The following COL6A3 variants were observed in gnomAD, a reference collection of about 807,000 sequenced individuals.
The protein encoded by COL6A3 is collagen alpha-3(VI) chain.
COL6A3 carries 137 observed loss-of-function variants against 274.1 expected under a neutral mutation model. The ratio of observed to expected loss-of-function variants is 0.50; its 90% confidence interval spans 0.44 to 0.58. COL6A3 has a LOEUF of 0.58. Ranked by LOEUF, COL6A3 falls within the 20% of genes least tolerant of loss-of-function variation. COL6A3 has a pLI of 0.00. For missense variants in COL6A3, 3,950 were observed against 4,124.9 expected, an observed-to-expected ratio of 0.96 and a Z score of 1.16; for synonymous variants, 1,650 against 1,650.6, an observed-to-expected ratio of 1.00 and a Z score of 0.01.
Position 237,381,246 on chromosome 2 carries a change from G to C in COL6A3, c.1566C>G (p.Ala522=). Residue 522 remains alanine (A), a synonymous_variant, in exon 5 of 44, where the codon GCC becomes GCG. Transcript: ENST00000295550. The stretch of plus-strand genomic sequence containing the variant: ...AGTCTAGAGCAGAGCCCGTGTACAG[G>C]GCCGAGCCGTCCAGGGGCTTCATTT... The part of the protein sequence containing the change: ...VRKMKPLDGS[A]LYTGSALDFV... 1 of 1,614,240 alleles carries C rather than the reference G, an allele frequency of 6.2e-7. No individual in the cohort carries two copies.
chr2:237,352,515 G>C lies in COL6A3; in HGVS notation c.6753+7C>G. On this transcript the variant is annotated splice_region_variant and intron_variant, in intron 26 of 43. Coordinates refer to ENST00000295550, the MANE Select transcript of COL6A3 (RefSeq NM_004369.4). Reference sequence around the variant, plus strand: ...TAGAGAGGGGGCTGGTATTAGGACAGGCTTACCCGAGGTCCAGAAATGCCT... The same window carrying C: ...TAGAGAGGGGGCTGGTATTAGGACACGCTTACCCGAGGTCCAGAAATGCCT... 6.2e-7 allele frequency: 1 copy of C among 1,610,522 alleles called. No homozygotes were observed. The highest frequency in any genetic ancestry group is 1.1e-5 in the South Asian group (1 of 89,860).
At chr2:237,362,390 C>A (rs1307692628) in intron 14 of COL6A3, among the ~76,000 whole-genome samples, 1 of 152,198 alleles carries the variant, frequency 6.6e-6, no homozygotes, top group Non-Finnish European at 1.5e-5. Context: ...ACACAGACAC[C>A]CTCTACATTC....
chr2:237,382,307 T>C (rs2078027015), intron 4 of COL6A3, among the ~76,000 whole-genome samples: 1 of 151,792 alleles, frequency 6.6e-6, no homozygotes, highest in African/African-American at 2.4e-5. Flanking sequence ...CACTTGAACC[T>C]GGAAGGAGGA....
At chr2:237,403,471 A>C (rs2078643776) in intron 1 of COL6A3, among the ~76,000 whole-genome samples, 1 of 152,178 alleles carries the variant, frequency 6.6e-6, no homozygotes, top group Non-Finnish European at 1.5e-5. Flanking sequence ...ACCTGTCAAT[A>C]CAGCAGTCTC....
chr2:237,368,135 C>T lies in COL6A3; in HGVS notation c.4900+428G>A, dbSNP rs1236446217. Among the ~76,000 whole-genome samples, 1 of 152,214 alleles carries T rather than the reference C, an allele frequency of 6.6e-6. No individual in the cohort carries two copies. The highest frequency in any genetic ancestry group is 1.5e-5 in the Non-Finnish European group (1 of 68,044). On this transcript the variant is annotated intron_variant, in intron 10 of 43. Coordinates refer to ENST00000295550, the MANE Select transcript of COL6A3 (RefSeq NM_004369.4). The surrounding 1 kb of genome is among the most constrained non-coding windows in gnomAD (Gnocchi z 4.4). Reference sequence around the variant, plus strand: ...ACGGGGTAGAAGCTGAGGTGGACGACTGCAAGTCTTCCAGGAAGGTGCTCC... The same window carrying T: ...ACGGGGTAGAAGCTGAGGTGGACGATTGCAAGTCTTCCAGGAAGGTGCTCC...
intron 23 of COL6A3, chr2:237,355,538 T>A (rs1297359260): frequency 2.0e-5 from 3 of 152,264 alleles, no homozygotes; most frequent in African/African-American, 7.2e-5. Flanking sequence ...TGGGCTTACT[T>A]CACAAGTAAT....
At chr2:237,356,670 T>C (rs2077324274) in intron 23 of COL6A3, 1 of 155,764 alleles carries the variant, frequency 6.4e-6, no homozygotes, top group African/African-American at 2.4e-5. Context: ...CTGAATTTCC[T>C]CTGAGAGGTT....
At position 237,358,944 on chromosome 2, in the gene COL6A3, G is replaced by A. The variant is rs59437067; in HGVS notation, c.6408+91C>T. ...AGGGAAGGCTGCCTGGAGGAAGCGG[G>A]CTTGATGTATATGAGGAAAGAAAAT... On this transcript the variant is annotated intron_variant, in intron 20 of 43. Transcript: ENST00000295550. 23,432 of 1,443,764 alleles carry A rather than the reference G, an allele frequency of 0.016. 2,641 individuals carry two copies. In the African/African-American group the frequency reaches 0.27, roughly 16 times the overall value. The allele number at this position is 1,443,764 out of a possible 1,614,324, so 89.4% of individuals were successfully genotyped here. A position where few individuals can be genotyped will look rare whatever the true frequency, so the allele number is the denominator to read the frequency against.
At chr2:237,339,841 T>A (rs565805909) in intron 38 of COL6A3, among the ~76,000 whole-genome samples, 1 of 152,166 alleles carries the variant, frequency 6.6e-6, no homozygotes, top group Admixed American at 6.5e-5. Flanking sequence ...AGGTAATAGA[T>A]GCCCTAAATA....
Position 237,371,826 on chromosome 2 carries a change from C to G in COL6A3, c.4191G>C (p.Leu1397=). 5.0e-6 allele frequency: 8 copies of G among 1,613,632 alleles called. No homozygotes were observed. The highest frequency in any genetic ancestry group is 6.8e-6 in the Non-Finnish European group (8 of 1,180,002). ...TCAGCAGTTTCTGCTCCAGGCTGGGCAGCTCCCGGAAGGTGCTCACCGAGA... is the reference window on the plus strand; with the variant it reads ...TCAGCAGTTTCTGCTCCAGGCTGGGGAGCTCCCGGAAGGTGCTCACCGAGA... ...YVFSVSTFRE[L]PSLEQKLLTP... Residue 1397 remains leucine (L), a synonymous_variant, in exon 9 of 44, where the codon CTG becomes CTC. Transcript: ENST00000295550. The surrounding 1 kb of genome is among the most constrained non-coding windows in gnomAD (Gnocchi z 4.3).
rs1303616612 is a variant in COL6A3, at chr2:237,361,103, A to C, written c.6210+18T>G. 6.2e-7 allele frequency: 1 copy of C among 1,612,106 alleles called. No individual in the cohort carries two copies. The highest frequency in any genetic ancestry group is 8.5e-7 in the Non-Finnish European group (1 of 1,178,156). On this transcript the variant is annotated intron_variant, in intron 16 of 43. Coordinates refer to ENST00000295550, the MANE Select transcript of COL6A3 (RefSeq NM_004369.4). The surrounding 1 kb of genome is among the most constrained non-coding windows in gnomAD (Gnocchi z 5.1). ...AGGAGGGGGTGAAATTTTAGGGACT[A>C]AAACAATTTTTACTTACGGGTCCAC...
In COL6A3 at chr2:237,359,103, G is replaced by A. The variant is rs936721877; in HGVS notation, c.6355-15C>T. On this transcript the variant is annotated splice_polypyrimidine_tract_variant and intron_variant, in intron 19 of 43. Transcript: ENST00000295550. ...CCTTTGTCTCCCTGCCAAAGACAAG[G>A]ATTAAAGGTCACACCTGCTGCAATT... The A allele has an allele frequency of 1.9e-6, 3 of 1,613,988 alleles. No homozygotes were observed. The highest frequency in any genetic ancestry group is 2.7e-5 in the African/African-American group (2 of 74,908).
intron 21 of COL6A3, 135 bp from the exon 22 acceptor site, chr2:237,358,017 A>G (rs536888294): frequency 1.2e-6 from 1 of 839,476 alleles, no homozygotes; most frequent in Admixed American, 1.7e-5. Context: ...GCCACAACCC[A>G]TCCAGGTAAC....
chr2:237,407,780 G>A lies in COL6A3; in HGVS notation c.-31+6173C>T, dbSNP rs1191481086. Reference sequence around the variant, plus strand: ...CACATTCCACATTCTGAAATATACGGCAGCCAGACAAGATTTTGTCTGCAC... The same window carrying A: ...CACATTCCACATTCTGAAATATACGACAGCCAGACAAGATTTTGTCTGCAC... On this transcript the variant is annotated intron_variant, in intron 1 of 43. Coordinates refer to ENST00000295550, the MANE Select transcript of COL6A3 (RefSeq NM_004369.4). This position sits in a 1 kb window ranked among gnomAD's most constrained non-coding sequence, Gnocchi z 4.3. 6.6e-6 allele frequency among the ~76,000 whole-genome samples: 1 copy of A among 152,170 alleles called. No individual in the cohort carries two copies. Among genetic ancestry groups the A allele is most frequent in the Non-Finnish European group, 1.5e-5 (1 of 68,036 alleles).
In COL6A3 at chr2:237,413,373, A is replaced by T. The variant is rs2106412227; in HGVS notation, c.-31+580T>A. Among the ~76,000 whole-genome samples the T allele has an allele frequency of 6.6e-6, 1 of 152,334 alleles. No homozygotes were observed. The highest frequency in any genetic ancestry group is 1.5e-5 in the Non-Finnish European group (1 of 68,024). On this transcript the variant is annotated intron_variant, in intron 1 of 43. Coordinates refer to ENST00000295550, the MANE Select transcript of COL6A3 (RefSeq NM_004369.4). The surrounding 1 kb of genome is among the most constrained non-coding windows in gnomAD (Gnocchi z 4.0). ...GACGAAAGCTTGACGGCAATGACTG[A>T]GCGACCCTTTACTTGGCCCTGATCC...
In COL6A3 at chr2:237,350,129, A is replaced by G; in HGVS notation, c.6879+18T>C. On this transcript the variant is annotated intron_variant, in intron 28 of 43. Transcript: ENST00000295550. Reference sequence around the variant, plus strand: ...AAGAGTCAGCGACAGCCTGACCCCAAGCGCGCTGTGACCTTACCGTCTCCC... The same window carrying G: ...AAGAGTCAGCGACAGCCTGACCCCAGGCGCGCTGTGACCTTACCGTCTCCC... 2 of 1,612,654 alleles carry G rather than the reference A, an allele frequency of 1.2e-6. No individual in the cohort carries two copies. Among genetic ancestry groups the G allele is most frequent in the Middle Eastern group, 1.6e-4 (1 of 6,062 alleles).
rs2077786455 is a variant in COL6A3, at chr2:237,374,710, C to T, written c.3381G>A (p.Arg1127=). The T allele has an allele frequency of 1.9e-6, 3 of 1,613,480 alleles. No individual in the cohort carries two copies. Among genetic ancestry groups the T allele is most frequent in the African/African-American group, 2.7e-5 (2 of 75,048 alleles). ...GCAGCTGGGGCACACCTTCTGTTATCCTGCTTCCCGCAGAGCTGACCAGGA... is the reference window on the plus strand; with the variant it reads ...GCAGCTGGGGCACACCTTCTGTTATTCTGCTTCCCGCAGAGCTGACCAGGA... ...RNILVSSAGS[R]ITEGVPQLLI... is the part of the protein sequence containing the mutation. The change falls in exon 8 of 44, where the codon AGG becomes AGA. Residue 1127 remains arginine, a synonymous_variant. Transcript: ENST00000295550. The surrounding 1 kb of genome is among the most constrained non-coding windows in gnomAD (Gnocchi z 4.8).
intron 3 of COL6A3, among the ~76,000 whole-genome samples, chr2:237,390,295 T>A (rs1340339808): frequency 6.6e-6 from 1 of 152,218 alleles, no homozygotes; most frequent in Non-Finnish European, 1.5e-5. Context: ...AACATTCTCT[T>A]GTAAAAGACT....
chr2:237,375,729 G>T, intron 7 of COL6A3, among the ~76,000 whole-genome samples: 1 of 152,124 alleles, frequency 6.6e-6, no homozygotes. Flanking sequence ...TTTTGGTAGA[G>T]ACAGGGTTTC....
Sources: gnomAD v4.1 joint callset for allele counts (sites outside exome capture counted in the v4.1 genomes callset) on GRCh38, gnomAD v4.1.1 for gene constraint, Gnocchi (gnomAD v3.1) non-coding constraint, MANE v1.5 for transcripts, NCBI Gene and HGNC (gene_info 2026-07-23, HGNC 2026-07-21) for gene names.